Variants in NCAM1 observed in about 807,000 individuals in gnomAD.
NCAM1 encodes neural cell adhesion molecule 1, also known as antigen recognized by monoclonal antibody 5.1H11.
Under a neutral mutation model 109.8 loss-of-function variants are expected in NCAM1, and 14 were observed. That is an observed-to-expected ratio of 0.13 (90% confidence interval 0.08 to 0.20). NCAM1 has a LOEUF of 0.20. Among genes scored for constraint, NCAM1 ranks in the 10% least tolerant of loss-of-function variants. NCAM1 has a pLI of 1.00. For missense variants in NCAM1, 774 were observed against 1,109.9 expected, an observed-to-expected ratio of 0.70 and a Z score of 4.30; for synonymous variants, 418 against 442.9, an observed-to-expected ratio of 0.94 and a Z score of 0.70.
intron 14 of NCAM1, among the ~76,000 whole-genome samples, chr11:113,237,469 G>A (rs1478252119): frequency 2.6e-5 from 4 of 152,186 alleles, no homozygotes; most frequent in Admixed American, 6.5e-5. Context: ...AGTTGGTGCC[G>A]GGATGAACCA....
At chr11:113,078,626 C>T (rs1159056014) in intron 1 of NCAM1, among the ~76,000 whole-genome samples, 1 of 152,086 alleles carries the variant, frequency 6.6e-6, no homozygotes, top group Non-Finnish European at 1.5e-5. Flanking sequence ...TTCCCTCTGT[C>T]TTATCTGCCT....
intron 1 of NCAM1, among the ~76,000 whole-genome samples, chr11:113,031,634 G>A (rs1409464465): frequency 1.3e-5 from 2 of 151,994 alleles, no homozygotes; most frequent in African/African-American, 4.8e-5. Flanking sequence ...GGAGGTTGCA[G>A]TGAGCTGAGA....
intron 7 of NCAM1, 51 bp downstream of exon 7, chr11:113,208,053 C>G: frequency 6.4e-7 from 1 of 1,551,974 alleles, no homozygotes; most frequent in Non-Finnish European, 8.7e-7. Context: ...TCCCCTTCCT[C>G]TGCACATTCA....
chr11:113,221,418 A>T lies in NCAM1; in HGVS notation c.1089+93A>T, dbSNP rs1944690011. 5 of 1,316,638 alleles carry T rather than the reference A, an allele frequency of 3.8e-6. No individual in the cohort carries two copies. The African/African-American group carries it at 4.4e-5, about 12-fold the overall frequency. The allele number at this position is 1,316,638 out of a possible 1,614,324, so 81.6% of individuals were successfully genotyped here. ...GTTTAATAACCAGACATGCTAAACTAATTAGTAATTTAGCTAAAGAATAGG... is the reference window on the plus strand; with the variant it reads ...GTTTAATAACCAGACATGCTAAACTTATTAGTAATTTAGCTAAAGAATAGG... On this transcript the variant is annotated intron_variant, in intron 9 of 19. Transcript: ENST00000316851.
At chr11:113,157,595 A>G (rs1942461536) in intron 1 of NCAM1, among the ~76,000 whole-genome samples, 1 of 152,198 alleles carries the variant, frequency 6.6e-6, no homozygotes, top group South Asian at 2.1e-4. Flanking sequence ...CACATTACTG[A>G]GGACCCCAAA....
At chr11:113,180,124 T>C (rs1943286961) in intron 1 of NCAM1, among the ~76,000 whole-genome samples, 1 of 152,212 alleles carries the variant, frequency 6.6e-6, no homozygotes, top group Admixed American at 6.5e-5. Context: ...TGTGGACGAC[T>C]GACTGGCAGG....
At chr11:113,012,074 A>T (rs781906934) in intron 1 of NCAM1, among the ~76,000 whole-genome samples, 2 of 147,564 alleles carry the variant, frequency 1.4e-5, no homozygotes, top group Non-Finnish European at 3.0e-5. Context: ...GCTGGAGTGC[A>T]GTGGCGCGAT....
chr11:113,201,276 C>T (rs139318480), intron 1 of NCAM1, among the ~76,000 whole-genome samples: 94 of 152,240 alleles, frequency 6.2e-4, no homozygotes, highest in South Asian at 1.7e-3. Context: ...GCTCTGCCTG[C>T]GAGCCGGTCA....
At chr11:113,101,118 G>A (rs1170353273) in intron 1 of NCAM1, among the ~76,000 whole-genome samples, 1 of 132,138 alleles carries the variant, frequency 7.6e-6, no homozygotes, top group Non-Finnish European at 1.5e-5. Context: ...CCCTTTCTTG[G>A]GAGAGTTAAG....
intron 1 of NCAM1, among the ~76,000 whole-genome samples, chr11:113,101,394 A>G (rs1451850757): frequency 6.6e-6 from 1 of 152,226 alleles, no homozygotes; most frequent in Non-Finnish European, 1.5e-5. Flanking sequence ...TGTTTTTAAT[A>G]GCATGGTTAT....
intron 1 of NCAM1, among the ~76,000 whole-genome samples, chr11:113,143,149 C>G (rs1555100791): frequency 6.6e-6 from 1 of 152,068 alleles, no homozygotes; most frequent in Non-Finnish European, 1.5e-5. Context: ...TCGTGTAATA[C>G]CCAGTGCAAT....
At chr11:113,009,330 T>TTTG (rs1565379731) in intron 1 of NCAM1, among the ~76,000 whole-genome samples, 3 of 140,496 alleles carry the variant, frequency 2.1e-5, no homozygotes. Context: ...TTTTTTTTTT[T>TTTG]TTTTTTTTTT....
chr11:113,095,731 T>C (rs1173086555), intron 1 of NCAM1, among the ~76,000 whole-genome samples: 3 of 152,150 alleles, frequency 2.0e-5, no homozygotes, highest in African/African-American at 4.8e-5. Flanking sequence ...AGAAACTGGG[T>C]CTTAAGGAGG....
At chr11:113,177,422 G>A (rs901903794) in intron 1 of NCAM1, among the ~76,000 whole-genome samples, 1 of 152,086 alleles carries the variant, frequency 6.6e-6, no homozygotes, top group Non-Finnish European at 1.5e-5. Flanking sequence ...ACAGCATTAC[G>A]TATTATGTCT....
intron 16 of NCAM1, among the ~76,000 whole-genome samples, chr11:113,259,772 C>T (rs1318407822): frequency 1.4e-5 from 2 of 144,998 alleles, no homozygotes; most frequent in Admixed American, 7.1e-5. Flanking sequence ...GGCATTATCT[C>T]GGCTCACTGC....
intron 1 of NCAM1, among the ~76,000 whole-genome samples, chr11:113,079,791 A>G (rs1938704440): frequency 6.6e-6 from 1 of 152,138 alleles, no homozygotes; most frequent in South Asian, 2.1e-4. Flanking sequence ...CACTGCCCTG[A>G]CTGTTTTCCT....
intron 1 of NCAM1, among the ~76,000 whole-genome samples, chr11:113,173,590 T>TTATATATATATATA (rs1943054971): frequency 3.3e-5 from 1 of 30,148 alleles, no homozygotes; most frequent in African/African-American, 1.3e-4. Context: ...GCATGTTACC[T>TTATATATATATATA]GATATATATA....
intron 1 of NCAM1, among the ~76,000 whole-genome samples, chr11:113,063,120 G>T (rs1481988583): frequency 6.6e-6 from 1 of 152,216 alleles, no homozygotes. Context: ...GACCAGAGTG[G>T]CAGGGAAGGC....
intron 1 of NCAM1, among the ~76,000 whole-genome samples, chr11:113,038,143 G>A (rs1555079473): frequency 6.6e-6 from 1 of 152,134 alleles, no homozygotes; most frequent in Non-Finnish European, 1.5e-5. Flanking sequence ...TGAAGTCCAG[G>A]TTTCTTTGTC....
Sources: gnomAD v4.1 joint callset for allele counts (sites outside exome capture counted in the v4.1 genomes callset) on GRCh38, gnomAD v4.1.1 for gene constraint, MANE v1.5 for transcripts, NCBI Gene and HGNC (gene_info 2026-07-23, HGNC 2026-07-21) for gene names.